Variants in LY75 observed in about 807,000 individuals in gnomAD.
LY75 encodes C-type lectin domain family 13 member B.
Under a neutral mutation model 231.7 loss-of-function variants are expected in LY75, and 185 were observed. The observed-to-expected ratio is 0.80, with a 90% CI of 0.71 to 0.90. The LOEUF is 0.90. Among genes scored for constraint, LY75 ranks in the 40% least tolerant of loss-of-function variants. The pLI is 0.00. For missense variants in LY75, 1,947 were observed against 2,050.2 expected (o/e 0.95, Z 0.97); for synonymous variants, 668 against 689.0 (o/e 0.97, Z 0.48).
intron 14 of LY75, among the ~76,000 whole-genome samples, chr2:159,864,132 G>GA (rs2125862627): frequency 1.3e-5 from 2 of 152,238 alleles, no homozygotes; most frequent in South Asian, 4.2e-4. Flanking sequence ...CTGTATTTTG[G>GA]ATATTAACCT....
At chr2:159,870,646 A>AG (rs1684984365) in intron 13 of LY75, among the ~76,000 whole-genome samples, 1 of 150,452 alleles carries the variant, frequency 6.6e-6, no homozygotes, top group South Asian at 2.1e-4. Flanking sequence ...CCAGGACTAC[A>AG]GGTGTGTGCC....
In LY75 at chr2:159,874,894, T is replaced by C. The variant is rs1429218589; in HGVS notation, c.1974+550A>G. Among the ~76,000 whole-genome samples the C allele has an allele frequency of 6.6e-5, 9 of 136,418 alleles. 1 individual carries two copies. The highest frequency in any genetic ancestry group is 1.1e-4 in the Non-Finnish European group (7 of 65,308). The allele number at this position is 136,418 out of a possible 152,430, so 89.5% of individuals were successfully genotyped here. On this transcript the variant is annotated intron_variant, in intron 12 of 34. Transcript: ENST00000263636. ...TATATATACATATATATTTTGTAAATATATAAACATATATATTTTATAAAT... is the reference window on the plus strand; with the variant it reads ...TATATATACATATATATTTTGTAAACATATAAACATATATATTTTATAAAT...
At chr2:159,858,546 C>T (rs1684610033) in intron 15 of LY75, 70 bp from the exon 16 acceptor site, 1 of 1,484,470 alleles carries the variant, frequency 6.7e-7, no homozygotes, top group South Asian at 1.4e-5. Context: ...AAACTGTAAG[C>T]CCTATGACTT....
intron 25 of LY75, among the ~76,000 whole-genome samples, chr2:159,839,470 T>C (rs1683937229): frequency 6.6e-6 from 1 of 152,216 alleles, no homozygotes; most frequent in South Asian, 2.1e-4. Flanking sequence ...CTGAAATGAA[T>C]GAGAAGTGCT....
intron 28 of LY75, among the ~76,000 whole-genome samples, chr2:159,820,472 A>G (rs565542411): frequency 2.0e-5 from 3 of 152,222 alleles, no homozygotes; most frequent in Non-Finnish European, 4.4e-5. Context: ...ACCAAGTGGG[A>G]GCTAAGCTAT....
intron 25 of LY75, among the ~76,000 whole-genome samples, chr2:159,836,484 G>A (rs1683830640): frequency 6.6e-6 from 1 of 152,184 alleles, no homozygotes; most frequent in Non-Finnish European, 1.5e-5. Context: ...GTGGGGTACA[G>A]GCCTGTCTGA....
At chr2:159,874,573 TGTAC>T (rs1474289928) in intron 12 of LY75, among the ~76,000 whole-genome samples, 1,169 of 3,814 alleles carry the variant, frequency 0.31, 470 homozygotes, top group East Asian at 0.66. Flanking sequence ...TATATAAATA[TGTAC>T]ATATTTTGTA....
chr2:159,890,537 T>C, intron 3 of LY75, 160 bp from the exon 4 acceptor site: 1 of 588,992 alleles, frequency 1.7e-6, no homozygotes, highest in Non-Finnish European at 2.1e-6. Flanking sequence ...CACAATAAAA[T>C]TGGAATCATG....
rs1253766683 is a variant in LY75 at position 159,885,017 on chromosome 2, AT to A, written c.1054+135del. The A allele has an allele frequency of 9.9e-6, 12 of 1,209,374 alleles. No individual in the cohort carries two copies. In the East Asian group the frequency reaches 3.0e-4, roughly 31 times the overall value. The allele number at this position is 1,209,374 out of a possible 1,614,324, so 74.9% of individuals were successfully genotyped here. A position where few individuals can be genotyped will look rare whatever the true frequency, so the allele number is the denominator to read the frequency against. ...ATAATATCTAACCACAGGGTTAAAA[AT>A]CAAGTACTTTTCTGTACTGTCAGTA... is the stretch of plus-strand genomic sequence containing the variant. On this transcript the variant is annotated intron_variant, in intron 6 of 34. Coordinates refer to ENST00000263636, the MANE Select transcript of LY75 (RefSeq NM_002349.4).
intron 14 of LY75, among the ~76,000 whole-genome samples, chr2:159,864,253 T>C (rs987386114): frequency 4.6e-5 from 7 of 152,162 alleles, no homozygotes; most frequent in Non-Finnish European, 1.0e-4. Flanking sequence ...TGTAATCCCA[T>C]TTGTCTATTT....
intron 28 of LY75, among the ~76,000 whole-genome samples, chr2:159,822,396 C>A (rs778646746): frequency 1.3e-5 from 2 of 152,206 alleles, no homozygotes; most frequent in Non-Finnish European, 2.9e-5. Context: ...GGCAGTTTTA[C>A]GCTCCCAGTG....
chr2:159,885,698 TA>T (rs1296969296), intron 5 of LY75, among the ~76,000 whole-genome samples: 1 of 152,202 alleles, frequency 6.6e-6, no homozygotes, highest in African/African-American at 2.4e-5. Context: ...ACTGAAATAA[TA>T]AAAGTATTAC....
intron 13 of LY75, among the ~76,000 whole-genome samples, chr2:159,867,588 T>C (rs1046233944): frequency 6.6e-6 from 1 of 152,226 alleles, no homozygotes; most frequent in African/African-American, 2.4e-5. Flanking sequence ...TGTGTTAAAA[T>C]TCCTATTCTC....
chr2:159,817,522 A>T (rs748265735), intron 29 of LY75, among the ~76,000 whole-genome samples: 3 of 152,226 alleles, frequency 2.0e-5, no homozygotes, highest in Non-Finnish European at 2.9e-5. Flanking sequence ...GAGCCAAGTG[A>T]AAGAGCTCCC....
intron 3 of LY75, among the ~76,000 whole-genome samples, chr2:159,893,265 CAATT>C (rs1019092165): frequency 2.7e-4 from 41 of 152,288 alleles, no homozygotes; most frequent in African/African-American, 9.9e-4. Context: ...GTTGACCAAT[CAATT>C]ATTTCTCTAT....
At position 159,835,476 on chromosome 2, in the gene LY75, A is replaced by C. The variant is rs370772692; in HGVS notation, c.3673+4T>G. On this transcript the variant is annotated splice_donor_region_variant and intron_variant, in intron 26 of 34. Coordinates refer to ENST00000263636, the MANE Select transcript of LY75 (RefSeq NM_002349.4). ...AAGAATTAAAAGATCTGAAATTCAC[A>C]TACTTCCTGAATAGTAGCAAATAGC... The C allele has an allele frequency of 9.5e-6, 15 of 1,583,226 alleles. No homozygotes were observed. Among genetic ancestry groups the C allele is most frequent in the African/African-American group, 1.4e-5 (1 of 73,574 alleles).
At chr2:159,890,457 A>G in intron 3 of LY75, 80 bp from the exon 4 acceptor site, 1 of 1,584,680 alleles carries the variant, frequency 6.3e-7, no homozygotes, top group Non-Finnish European at 8.6e-7. Flanking sequence ...AAATACTGCA[A>G]GTCAATTTGC....
intron 12 of LY75, among the ~76,000 whole-genome samples, chr2:159,874,858 T>C (rs1351136843): frequency 2.3e-5 from 3 of 129,816 alleles, no homozygotes; most frequent in Non-Finnish European, 4.7e-5. Flanking sequence ...AATATATATA[T>C]ATTTTGTAAA....
intron 25 of LY75, among the ~76,000 whole-genome samples, chr2:159,838,764 G>T (rs1208833461): frequency 6.6e-6 from 1 of 151,980 alleles, no homozygotes; most frequent in Non-Finnish European, 1.5e-5. Context: ...CCATCTCCTG[G>T]CTTGCTCTGG....
Sources: gnomAD v4.1 joint callset for allele counts (sites outside exome capture counted in the v4.1 genomes callset) on GRCh38, gnomAD v4.1.1 for gene constraint, MANE v1.5 for transcripts, NCBI Gene and HGNC (gene_info 2026-07-23, HGNC 2026-07-21) for gene names.